GRIK4: variants seen among roughly 807,000 people sequenced by gnomAD.
GRIK4 encodes the protein glutamate receptor ionotropic, kainate 4.
A neutral mutation model predicts 104.9 loss-of-function variants in GRIK4; 40 were observed. The observed-to-expected ratio is 0.38, with a 90% CI of 0.30 to 0.50. The LOEUF is 0.50. GRIK4 is among the 20% of genes least tolerant of loss of function. The probability of loss-of-function intolerance (pLI) is 0.93; values close to 1 mark genes in which losing one functional copy is unlikely to be tolerated. For synonymous variants in GRIK4, 485 were observed against 524.9 expected (o/e 0.92, Z 1.04); for missense variants, 1,047 against 1,308.1 (o/e 0.80, Z 3.08).
intron 3 of GRIK4, among the ~76,000 whole-genome samples, chr11:120,721,431 C>T (rs561134204): frequency 6.6e-6 from 1 of 152,220 alleles, no homozygotes; most frequent in Non-Finnish European, 1.5e-5. Context: ...GAGACAATTG[C>T]CCTTGAAGAG....
intron 19 of GRIK4, among the ~76,000 whole-genome samples, chr11:120,975,744 G>A (rs540632003): frequency 1.3e-5 from 2 of 152,156 alleles, no homozygotes; most frequent in Non-Finnish European, 2.9e-5. Context: ...GATGAGTTCT[G>A]TAATCACCCC....
chr11:120,636,650 G>A (rs1949400312), intron 1 of GRIK4, among the ~76,000 whole-genome samples: 1 of 152,080 alleles, frequency 6.6e-6, no homozygotes, highest in Non-Finnish European at 1.5e-5. Context: ...GACCATCCTG[G>A]CCAACATGGT....
In GRIK4 at chr11:120,903,175, C is replaced by T. The variant is rs1275434847; in HGVS notation, c.1273-2115C>T. 6.6e-6 allele frequency among the ~76,000 whole-genome samples: 1 copy of T among 152,102 alleles called. No homozygotes were observed. The highest frequency in any genetic ancestry group is 1.5e-5 in the Non-Finnish European group (1 of 68,016). On this transcript the variant is annotated intron_variant, in intron 12 of 20. Coordinates refer to ENST00000527524, the MANE Select transcript of GRIK4 (RefSeq NM_014619.5). This position sits in a 1 kb window ranked among gnomAD's most constrained non-coding sequence, Gnocchi z 4.4. ...CAGGTTTCTCCATGCACACCTGTAC[C>T]CAAGCCCGATTGTCCCTGCCACCCC... is the stretch of plus-strand genomic sequence containing the variant.
At chr11:120,906,911 C>T (rs902648637) in intron 13 of GRIK4, among the ~76,000 whole-genome samples, 1 of 152,240 alleles carries the variant, frequency 6.6e-6, no homozygotes, top group South Asian at 2.1e-4. Flanking sequence ...TTCAGAGGGG[C>T]GCTTGCAAAC....
At chr11:120,568,495 C>T (rs192742632) in intron 1 of GRIK4, among the ~76,000 whole-genome samples, 1 of 152,136 alleles carries the variant, frequency 6.6e-6, no homozygotes, top group East Asian at 1.9e-4. Context: ...CCAAGTGATT[C>T]CCCTGCTTCA....
At chr11:120,582,422 A>G (rs2135097332) in intron 1 of GRIK4, among the ~76,000 whole-genome samples, 1 of 152,210 alleles carries the variant, frequency 6.6e-6, no homozygotes, top group East Asian at 1.9e-4. Flanking sequence ...GGTAATAAGT[A>G]TAGTACCTGA....
At chr11:120,878,248 A>G (rs952245715) in intron 11 of GRIK4, among the ~76,000 whole-genome samples, 1 of 152,232 alleles carries the variant, frequency 6.6e-6, no homozygotes, top group Admixed American at 6.5e-5. Flanking sequence ...AGAGTGCTTC[A>G]TAAAAGTTGG....
chr11:120,701,720 G>A (rs1950554290), intron 3 of GRIK4, among the ~76,000 whole-genome samples: 1 of 152,118 alleles, frequency 6.6e-6, no homozygotes, highest in African/African-American at 2.4e-5. Context: ...AGATTTTAAA[G>A]GGATCACTCC....
intron 1 of GRIK4, among the ~76,000 whole-genome samples, chr11:120,541,759 G>GATT (rs1948038983): frequency 6.6e-6 from 1 of 152,096 alleles, no homozygotes; most frequent in South Asian, 2.1e-4. Flanking sequence ...AAAGTGTTGA[G>GATT]ATTACAGGCA....
chr11:120,797,693 C>A (rs544260130), intron 3 of GRIK4, among the ~76,000 whole-genome samples: 1 of 152,276 alleles, frequency 6.6e-6, no homozygotes, highest in Non-Finnish European at 1.5e-5. Flanking sequence ...GTCCCTGAAT[C>A]GCACGGGGGT....
intron 13 of GRIK4, among the ~76,000 whole-genome samples, chr11:120,906,997 C>T (rs2134513358): frequency 6.6e-6 from 1 of 152,274 alleles, no homozygotes; most frequent in East Asian, 1.9e-4. Flanking sequence ...GTGGGGATGG[C>T]AGGGCGAAGG....
rs1334915037 is a variant in GRIK4 at position 120,875,176 on chromosome 11, A to C, written c.1097A>C (p.Asn366Thr). 1 of 1,613,486 alleles carries C rather than the reference A, an allele frequency of 6.2e-7. No homozygotes were observed. The highest frequency in any genetic ancestry group is 8.5e-7 in the Non-Finnish European group (1 of 1,179,392). ...GGTCTTACCGGCCACATTGAATTCA[A>C]CAGCAAAGGCCAGAGGTCCAACTAC... ...LEGLTGHIEF[N>T]SKGQRSNYAL... Residue 366 changes from asparagine (N) to threonine (T), a missense_variant, in exon 11 of 21, where the codon AAC (asparagine) becomes ACC (threonine). Physicochemically the swap from Asn to Thr is moderately conservative, Grantham distance 65 (BLOSUM62 0). Around this residue, in one of 3 missense-constraint regions of GRIK4, gnomAD observed 447 missense variants for 514.9 expected, o/e 0.87. Coordinates refer to ENST00000527524, the MANE Select transcript of GRIK4 (RefSeq NM_014619.5).
At chr11:120,879,767 T>C (rs1954913359) in intron 11 of GRIK4, among the ~76,000 whole-genome samples, 1 of 152,192 alleles carries the variant, frequency 6.6e-6, no homozygotes, top group South Asian at 2.1e-4. Context: ...CCTCCAGTTT[T>C]TGCACATGCG....
intron 7 of GRIK4, among the ~76,000 whole-genome samples, chr11:120,834,365 G>A (rs1455167528): frequency 6.6e-6 from 1 of 150,694 alleles, no homozygotes. Flanking sequence ...GGTTCTGCTC[G>A]ATGCCTCAGG....
At chr11:120,958,020 C>G (rs2134717375) in intron 16 of GRIK4, among the ~76,000 whole-genome samples, 1 of 152,374 alleles carries the variant, frequency 6.6e-6, no homozygotes, top group Non-Finnish European at 1.5e-5. Context: ...GAGCTCAGGT[C>G]TCCAGGAAGA....
chr11:120,798,762 G>A (rs1055338496), intron 3 of GRIK4, among the ~76,000 whole-genome samples: 17 of 152,328 alleles, frequency 1.1e-4, no homozygotes, highest in African/African-American at 3.6e-4. Context: ...GATTACAGGC[G>A]TGAGGCACTG....
rs117994876 is a variant in GRIK4 at position 120,874,188 on chromosome 11, C to T, written c.1029C>T (p.His343=). Reference sequence around the variant, plus strand: ...GCGGCTCGGCCCAGATCTGGCAGCACGGCACCAGCCTCATGAACTACCTGC... The same window carrying T: ...GCGGCTCGGCCCAGATCTGGCAGCATGGCACCAGCCTCATGAACTACCTGC... ...LSCGSAQIWQ[H]GTSLMNYLRM... The change falls in exon 10 of 21, where the codon CAC becomes CAT. Residue 343 remains histidine (H), a synonymous_variant. Coordinates refer to ENST00000527524, the MANE Select transcript of GRIK4 (RefSeq NM_014619.5). 1.7e-3 allele frequency: 2,795 copies of T among 1,612,938 alleles called. 4 individuals carry two copies. The highest frequency in any genetic ancestry group is 2.2e-3 in the Non-Finnish European group (2,643 of 1,179,752).
chr11:120,753,340 T>TGTGC (rs1555055680), intron 3 of GRIK4, among the ~76,000 whole-genome samples: 13,983 of 147,638 alleles, frequency 0.095, 799 homozygotes, highest in South Asian at 0.16. Context: ...TGTGTGTGTG[T>TGTGC]GTGCAGGGTG....
intron 3 of GRIK4, among the ~76,000 whole-genome samples, chr11:120,668,995 T>G: frequency 6.6e-6 from 1 of 152,222 alleles, no homozygotes; most frequent in East Asian, 1.9e-4. Context: ...TGGGCCAGCC[T>G]GTTTCCATCT....
Sources: allele counts gnomAD v4.1 joint callset (sites outside exome capture counted in the v4.1 genomes callset), GRCh38; gene constraint gnomAD v4.1.1; regional missense constraint gnomAD v4.1.1; non-coding constraint Gnocchi (gnomAD v3.1); transcripts MANE v1.5; gene names NCBI Gene and HGNC (gene_info 2026-07-23, HGNC 2026-07-21).